The following RIT2 variants were observed in gnomAD, a reference collection of about 807,000 sequenced individuals.
The protein encoded by RIT2 is GTP-binding protein Rit2.
In RIT2, 24 loss-of-function variants were observed where a neutral mutation model predicts 23.7. That is an observed-to-expected ratio of 1.01 (90% CI 0.73 to 1.43). RIT2 has a LOEUF of 1.43. Ranked by LOEUF, RIT2 falls within the 40% of genes most tolerant of loss-of-function variation. The pLI is 0.00. For missense variants in RIT2, 236 were observed against 266.9 expected (o/e 0.88, Z 0.81); for synonymous variants, 107 against 91.1 (o/e 1.17, Z -0.99).
intron 1 of RIT2, among the ~76,000 whole-genome samples, chr18:43,037,285 G>A (rs961189349): frequency 6.6e-6 from 1 of 152,132 alleles, no homozygotes; most frequent in Admixed American, 6.5e-5. Context: ...GAATGTTAGA[G>A]TATCAATGAA....
rs1279711309 is a variant in RIT2 at position 42,848,738 on chromosome 18, C to T, written c.426+74834G>A. On this transcript the variant is annotated intron_variant, in intron 4 of 4. Transcript: ENST00000326695. ...AATGGCAAGTCATTTACAGAAAGCA[C>T]ATTGTGAAGTTTTTTTTTAGTGAAA... Among the ~76,000 whole-genome samples, 4 of 151,774 alleles carry T rather than the reference C, an allele frequency of 2.6e-5. No individual in the cohort carries two copies. The East Asian group carries it at 5.8e-4, about 22-fold the overall frequency.
At chr18:42,807,370 A>G (rs993469695) in intron 4 of RIT2, among the ~76,000 whole-genome samples, 28 of 152,226 alleles carry the variant, frequency 1.8e-4, no homozygotes, top group African/African-American at 6.8e-4. Context: ...TAATTCCAGC[A>G]CTTTGGGAAA....
At chr18:42,873,334 T>A (rs1214130017) in intron 4 of RIT2, among the ~76,000 whole-genome samples, 1 of 152,188 alleles carries the variant, frequency 6.6e-6, no homozygotes, top group Non-Finnish European at 1.5e-5. Context: ...ATTTAAAGTC[T>A]ATACTTTTCA....
rs1913699353 is a variant in RIT2 at position 43,102,178 on chromosome 18, T to G, written c.103+13239A>C. ...GATTTCCTCTTATCAAAATTAAAAT[T>G]AAATCTTATGCAGAATGATTTTTAC... On this transcript the variant is annotated intron_variant, in intron 1 of 4. Coordinates refer to ENST00000326695, the MANE Select transcript of RIT2 (RefSeq NM_002930.4). Among the ~76,000 whole-genome samples, 2 of 152,312 alleles carry G rather than the reference T, an allele frequency of 1.3e-5. 1 individual carries two copies. Among genetic ancestry groups the G allele is most frequent in the Admixed American group, 1.3e-4 (2 of 15,300 alleles).
chr18:42,925,358 G>A (rs1444496231), intron 3 of RIT2, among the ~76,000 whole-genome samples: 1 of 151,950 alleles, frequency 6.6e-6, no homozygotes, highest in Non-Finnish European at 1.5e-5. Flanking sequence ...AGTATGGACT[G>A]AAAATGATAA....
At chr18:43,107,168 T>C (rs776389167) in intron 1 of RIT2, among the ~76,000 whole-genome samples, 32 of 152,160 alleles carry the variant, frequency 2.1e-4, no homozygotes, top group African/African-American at 7.2e-4. Context: ...AAATGGCCTA[T>C]TGGAAAAATT....
intron 1 of RIT2, among the ~76,000 whole-genome samples, chr18:43,080,129 A>G (rs189865909): frequency 9.9e-5 from 15 of 152,202 alleles, no homozygotes; most frequent in Non-Finnish European, 1.9e-4. Flanking sequence ...TCTGGGTCTA[A>G]TAGACTTTCA....
rs73471669 is a variant in RIT2 at position 42,881,536 on chromosome 18, C to T, written c.426+42036G>A. On this transcript the variant is annotated intron_variant, in intron 4 of 4. Coordinates refer to ENST00000326695, the MANE Select transcript of RIT2 (RefSeq NM_002930.4). ...CATCTTAGTCATCTTGGCTTCCTTG[C>T]TTCCTCACATTTTCTCCTTTCTGTA... Among the ~76,000 whole-genome samples the T allele has an allele frequency of 1.4e-3, 212 of 152,304 alleles. 4 individuals carry two copies. Among genetic ancestry groups the T allele is most frequent in the African/African-American group, 5.0e-3 (206 of 41,572 alleles).
rs571910538 is a variant in RIT2 at position 43,068,729 on chromosome 18, T to A, written c.104-34862A>T. Among the ~76,000 whole-genome samples, 13 of 152,178 alleles carry A rather than the reference T, an allele frequency of 8.5e-5. No individual in the cohort carries two copies. The South Asian group carries it at 2.7e-3, about 32-fold the overall frequency. The stretch of plus-strand genomic sequence containing the variant: ...GGAATTTAAATGATATTACAATTGG[T>A]AAGGTAGTAATTGATTGATGTGACT... On this transcript the variant is annotated intron_variant, in intron 1 of 4. Coordinates refer to ENST00000326695, the MANE Select transcript of RIT2 (RefSeq NM_002930.4).
chr18:43,098,597 A>G (rs1024774168), intron 1 of RIT2, among the ~76,000 whole-genome samples: 2 of 152,010 alleles, frequency 1.3e-5, no homozygotes, highest in Non-Finnish European at 2.9e-5. Context: ...ACGACATAAT[A>G]GTTACAATAA....
At chr18:42,898,721 C>T (rs1908396944) in intron 4 of RIT2, among the ~76,000 whole-genome samples, 1 of 152,168 alleles carries the variant, frequency 6.6e-6, no homozygotes, top group Admixed American at 6.5e-5. Context: ...GTGATCATCA[C>T]TTCCTTTTAG....
At chr18:42,950,010 G>T (rs2144170999) in intron 3 of RIT2, among the ~76,000 whole-genome samples, 1 of 152,156 alleles carries the variant, frequency 6.6e-6, no homozygotes, top group East Asian at 1.9e-4. Context: ...TCATGCACAA[G>T]ATATAACATA....
At chr18:43,003,241 C>T (rs1911148662) in intron 2 of RIT2, among the ~76,000 whole-genome samples, 1 of 86,128 alleles carries the variant, frequency 1.2e-5, no homozygotes, top group Non-Finnish European at 3.0e-5. Flanking sequence ...ACTAATAAAA[C>T]ATCCAAGCAC....
At chr18:42,837,959 C>T (rs2144019642) in intron 4 of RIT2, among the ~76,000 whole-genome samples, 1 of 152,118 alleles carries the variant, frequency 6.6e-6, no homozygotes, top group African/African-American at 2.4e-5. Flanking sequence ...TAACATTTTC[C>T]AGGAAGGAAA....
intron 2 of RIT2, among the ~76,000 whole-genome samples, chr18:42,979,951 G>A (rs1910559795): frequency 6.6e-6 from 1 of 152,146 alleles, no homozygotes; most frequent in Admixed American, 6.6e-5. Context: ...AGGAACTGAT[G>A]TTGAGCTAAG....
At chr18:43,102,076 C>T (rs891482791) in intron 1 of RIT2, among the ~76,000 whole-genome samples, 1 of 152,326 alleles carries the variant, frequency 6.6e-6, no homozygotes, top group Non-Finnish European at 1.5e-5. Context: ...GATTTTACAG[C>T]TTCCTGACAT....
chr18:42,938,272 G>A (rs1310922110), intron 3 of RIT2, among the ~76,000 whole-genome samples: 4 of 152,188 alleles, frequency 2.6e-5, no homozygotes, highest in Non-Finnish European at 4.4e-5. Context: ...TCAAGGAATG[G>A]ATGCAGAAAG....
chr18:43,112,460 C>G (rs943836022), intron 1 of RIT2, among the ~76,000 whole-genome samples: 1 of 152,146 alleles, frequency 6.6e-6, no homozygotes, highest in Non-Finnish European at 1.5e-5. Context: ...GCTCAGTAAA[C>G]TTTATTGATT....
intron 4 of RIT2, among the ~76,000 whole-genome samples, chr18:42,756,904 T>G (rs1913178159): frequency 7.1e-6 from 1 of 140,030 alleles, no homozygotes; most frequent in South Asian, 2.3e-4. Flanking sequence ...GAAAAAAAAC[T>G]TATGTATTAT....
Sources: gnomAD v4.1 joint callset for allele counts (sites outside exome capture counted in the v4.1 genomes callset) on GRCh38, gnomAD v4.1.1 for gene constraint, MANE v1.5 for transcripts, NCBI Gene and HGNC (gene_info 2026-07-23, HGNC 2026-07-21) for gene names.